Variants in BTBD9 observed in about 807,000 individuals in gnomAD.
BTBD9 encodes BTB domain containing 9.
A neutral mutation model predicts 64.3 loss-of-function variants in BTBD9; 49 were observed. That is an observed-to-expected ratio of 0.76 (90% CI 0.61 to 0.97). BTBD9 has a LOEUF of 0.97. Among genes scored for constraint, BTBD9 ranks in the 50% least tolerant of loss-of-function variants. The pLI, the probability that BTBD9 is intolerant of heterozygous loss-of-function variation, is 0.00. For synonymous variants in BTBD9, 260 were observed against 274.7 expected (o/e 0.95, Z 0.53); for missense variants, 598 against 762.1 (o/e 0.78, Z 2.53).
At chr6:38,406,828 C>T (rs1767188088) in intron 6 of BTBD9, among the ~76,000 whole-genome samples, 1 of 152,174 alleles carries the variant, frequency 6.6e-6, no homozygotes, top group Admixed American at 6.5e-5. Flanking sequence ...GCCTCAAACT[C>T]CTGGGCTCTA....
At chr6:38,345,648 C>T (rs1379135273) in intron 6 of BTBD9, among the ~76,000 whole-genome samples, 1 of 152,196 alleles carries the variant, frequency 6.6e-6, no homozygotes, top group East Asian at 1.9e-4. Context: ...GGAAGTTAAC[C>T]TTATATACTT....
At chr6:38,448,183 T>G (rs1275962850) in intron 6 of BTBD9, among the ~76,000 whole-genome samples, 1 of 150,880 alleles carries the variant, frequency 6.6e-6, no homozygotes, top group Non-Finnish European at 1.5e-5. Context: ...TCCACAATAG[T>G]GTATCACTTT....
intron 9 of BTBD9, among the ~76,000 whole-genome samples, chr6:38,208,445 G>GA (rs1274299127): frequency 3.3e-5 from 5 of 149,850 alleles, no homozygotes; most frequent in African/African-American, 1.2e-4. Flanking sequence ...ATATGAGAGA[G>GA]AGAGCATTTT....
chr6:38,335,899 A>C (rs1005672630), intron 7 of BTBD9, among the ~76,000 whole-genome samples: 1 of 151,670 alleles, frequency 6.6e-6, no homozygotes, highest in Admixed American at 6.6e-5. Flanking sequence ...ACACCTGGCT[A>C]ATTTTTGTAT....
At chr6:38,210,050 G>A (rs998295218) in intron 9 of BTBD9, among the ~76,000 whole-genome samples, 7 of 152,086 alleles carry the variant, frequency 4.6e-5, no homozygotes, top group Admixed American at 1.3e-4. Flanking sequence ...CGTCCATGGC[G>A]GTTTGAATGA....
intron 6 of BTBD9, among the ~76,000 whole-genome samples, chr6:38,479,891 G>A (rs987382720): frequency 1.3e-5 from 2 of 152,020 alleles, no homozygotes; most frequent in African/African-American, 4.8e-5. Context: ...ACCATGCCCA[G>A]CTAACTTTTG....
chr6:38,573,388 A>C (rs950360024), intron 6 of BTBD9, among the ~76,000 whole-genome samples: 4 of 152,168 alleles, frequency 2.6e-5, no homozygotes, highest in African/African-American at 9.7e-5. Flanking sequence ...GGAAATAAAG[A>C]AAGAAACCGT....
At chr6:38,321,615 T>C (rs550123825) in intron 7 of BTBD9, among the ~76,000 whole-genome samples, 1 of 152,318 alleles carries the variant, frequency 6.6e-6, no homozygotes, top group East Asian at 1.9e-4. Context: ...CATTTCACTA[T>C]GGTTTTCCTT....
chr6:38,301,599 G>A (rs1307433496), intron 7 of BTBD9, among the ~76,000 whole-genome samples: 1 of 152,162 alleles, frequency 6.6e-6, no homozygotes, highest in Non-Finnish European at 1.5e-5. Flanking sequence ...GAGACTGTAT[G>A]TGTCCAGAAT....
At chr6:38,208,298 G>A (rs773465692) in intron 9 of BTBD9, among the ~76,000 whole-genome samples, 30 of 152,148 alleles carry the variant, frequency 2.0e-4, no homozygotes, top group Non-Finnish European at 4.0e-4. Flanking sequence ...CTTTATGAGT[G>A]AGCCTCTTGA....
At chr6:38,447,039 T>C (rs1466206556) in intron 6 of BTBD9, among the ~76,000 whole-genome samples, 2 of 152,250 alleles carry the variant, frequency 1.3e-5, no homozygotes, top group Non-Finnish European at 2.9e-5. Context: ...TTCATATTTT[T>C]CTTCTTTAAT....
chr6:38,430,942 G>T (rs766312902), intron 6 of BTBD9, among the ~76,000 whole-genome samples: 5 of 151,954 alleles, frequency 3.3e-5, no homozygotes, highest in Non-Finnish European at 7.3e-5. Context: ...GTTGACTTCT[G>T]TCTTTTAATG....
chr6:38,194,348 C>G (rs1407718821), intron 9 of BTBD9, among the ~76,000 whole-genome samples: 3 of 152,196 alleles, frequency 2.0e-5, no homozygotes, highest in Non-Finnish European at 4.4e-5. Flanking sequence ...TAAGAGTACA[C>G]TAAAGCTGGC....
intron 10 of BTBD9, among the ~76,000 whole-genome samples, chr6:38,182,418 A>G (rs1449140812): frequency 6.6e-6 from 1 of 152,050 alleles, no homozygotes; most frequent in African/African-American, 2.4e-5. Flanking sequence ...TATTTTTTTG[A>G]AAAACTAAGA....
chr6:38,452,040 C>T (rs1275969399), intron 6 of BTBD9, among the ~76,000 whole-genome samples: 1 of 152,068 alleles, frequency 6.6e-6, no homozygotes, highest in Non-Finnish European at 1.5e-5. Context: ...ACTATTCTAC[C>T]TGGTTCCATC....
chr6:38,405,364 G>A (rs557241404), intron 6 of BTBD9, among the ~76,000 whole-genome samples: 1 of 152,218 alleles, frequency 6.6e-6, no homozygotes, highest in East Asian at 1.9e-4. Flanking sequence ...CTGGTTTCTT[G>A]CCATAGAGAG....
chr6:38,515,226 T>C (rs921874912), intron 6 of BTBD9, among the ~76,000 whole-genome samples: 1 of 152,226 alleles, frequency 6.6e-6, no homozygotes, highest in Non-Finnish European at 1.5e-5. Flanking sequence ...ATTAGATCGA[T>C]AGCAATTCCT....
chr6:38,407,907 A>G (rs758385002), intron 6 of BTBD9, among the ~76,000 whole-genome samples: 1 of 152,244 alleles, frequency 6.6e-6, no homozygotes, highest in Non-Finnish European at 1.5e-5. Flanking sequence ...CCTCAATGGA[A>G]CAACTCTGAT....
intron 1 of BTBD9, among the ~76,000 whole-genome samples, chr6:38,637,126 C>T (rs1778554322): frequency 6.6e-6 from 1 of 152,164 alleles, no homozygotes. Context: ...TTTTCTCCAG[C>T]CAAAGCACTC....
Sources: gnomAD v4.1 joint callset for allele counts (sites outside exome capture counted in the v4.1 genomes callset) on GRCh38, gnomAD v4.1.1 for gene constraint, MANE v1.5 for transcripts, NCBI Gene and HGNC (gene_info 2026-07-23, HGNC 2026-07-21) for gene names.